PCDHA4: variants seen among roughly 807,000 people sequenced by gnomAD.
The protein encoded by PCDHA4 is protocadherin alpha-4.
A neutral mutation model predicts 61.4 loss-of-function variants in PCDHA4; 49 were observed. That is an observed-to-expected ratio of 0.80 (90% confidence interval 0.63 to 1.01). The LOEUF is 1.01. Ranked by LOEUF, PCDHA4 falls within the 50% of genes least tolerant of loss-of-function variation. The pLI is 0.00. For synonymous variants in PCDHA4, 590 were observed against 550.3 expected (o/e 1.07, Z -1.01); for missense variants, 1,254 against 1,235.8 (o/e 1.01, Z -0.22).
intron 1 of PCDHA4, among the ~76,000 whole-genome samples, chr5:140,878,611 T>A (rs1167613009): frequency 2.0e-5 from 3 of 152,236 alleles, no homozygotes; most frequent in Non-Finnish European, 4.4e-5. Context: ...TCTTCTAATG[T>A]GCATTTTACA....
rs781808272 is a variant in PCDHA4, at chr5:140,856,411, A to G, written c.2385+46839A>G. Reference sequence around the variant, plus strand: ...TGCAGGTTTTCCATGTGGACGTGGAAGTGAAGGACATTAACGACAACCCGC... The same window carrying G: ...TGCAGGTTTTCCATGTGGACGTGGAGGTGAAGGACATTAACGACAACCCGC... On this transcript the variant is annotated intron_variant, in intron 1 of 3. Transcript: ENST00000530339. 31 of 1,598,328 alleles carry G rather than the reference A, an allele frequency of 1.9e-5. 3 individuals are homozygous for G. Among genetic ancestry groups the G allele is most frequent in the African/African-American group, 5.4e-5 (4 of 74,256 alleles).
At chr5:140,828,910 G>T (rs2150160654) in intron 1 of PCDHA4, 1 of 1,613,410 alleles carries the variant, frequency 6.2e-7, no homozygotes, top group African/African-American at 1.3e-5. Context: ...ATGAAGGAGC[G>T]AATGGGGCAA....
rs782184518 is a variant in PCDHA4 at position 140,875,731 on chromosome 5, A to G, written c.2385+66159A>G. On this transcript the variant is annotated intron_variant, in intron 1 of 3. Transcript: ENST00000530339. ...TCTGCAGAATGGCATTTTGTTTGTG[A>G]ATTCTCGGATCGACCGCGAGAAGCT... The G allele has an allele frequency of 1.2e-6, 2 of 1,614,032 alleles. No individual in the cohort carries two copies. Among genetic ancestry groups the G allele is most frequent in the African/African-American group, 2.7e-5 (2 of 74,906 alleles).
chr5:140,829,852 A>G, intron 1 of PCDHA4: 2 of 1,613,942 alleles, frequency 1.2e-6, no homozygotes, highest in Admixed American at 1.7e-5. Context: ...CACTGGGTGC[A>G]GGCCAAGTGG....
intron 1 of PCDHA4, chr5:140,835,375 C>A (rs2150234654): frequency 1.9e-6 from 3 of 1,613,974 alleles, no homozygotes; most frequent in South Asian, 1.1e-5. Context: ...CCACCCCTGG[C>A]TGGTCATTGT....
intron 1 of PCDHA4, among the ~76,000 whole-genome samples, chr5:140,942,139 A>G (rs1211983428): frequency 6.6e-6 from 1 of 152,248 alleles, no homozygotes; most frequent in African/African-American, 2.4e-5. Flanking sequence ...TTGTGGCTTT[A>G]CTTGACATAA....
chr5:140,869,694 GA>G, intron 1 of PCDHA4: 1 of 1,613,394 alleles, frequency 6.2e-7, no homozygotes, highest in Non-Finnish European at 8.5e-7. Context: ...TTATTTTAAA[GA>G]AGTCTCTGGA....
At chr5:140,886,916 G>A (rs1170747823) in intron 1 of PCDHA4, among the ~76,000 whole-genome samples, 1 of 151,436 alleles carries the variant, frequency 6.6e-6, no homozygotes, top group Non-Finnish European at 1.5e-5. Flanking sequence ...CTTATTGAGT[G>A]TTCTCTATGT....
At chr5:140,850,283 A>G (rs143335350) in intron 1 of PCDHA4, 3 of 1,595,592 alleles carry the variant, frequency 1.9e-6, no homozygotes, top group Non-Finnish European at 2.6e-6. Context: ...AGGTGCGCGC[A>G]GTGGACGCCG....
intron 1 of PCDHA4, chr5:140,812,974 T>C (rs1202280852): frequency 6.6e-6 from 1 of 152,262 alleles, no homozygotes; most frequent in Admixed American, 6.5e-5. Flanking sequence ...TATTGATTTC[T>C]AGTTTTATTC....
At chr5:140,835,916 C>T (rs1359534891) in intron 1 of PCDHA4, 4 of 1,612,180 alleles carry the variant, frequency 2.5e-6, no homozygotes, top group Non-Finnish European at 2.5e-6. Context: ...TGTCAGTGCA[C>T]GCGGAGAGCG....
At chr5:140,886,403 AT>A (rs1196342524) in intron 1 of PCDHA4, among the ~76,000 whole-genome samples, 19 of 152,184 alleles carry the variant, frequency 1.2e-4, no homozygotes, top group African/African-American at 4.6e-4. Context: ...CATCACAAAT[AT>A]GTTTTCCTCC....
At chr5:140,967,910 A>G (rs2096197842) in intron 1 of PCDHA4, 1 of 1,613,996 alleles carries the variant, frequency 6.2e-7, no homozygotes, top group Non-Finnish European at 8.5e-7. Flanking sequence ...TACACCCAAC[A>G]CCATTGTGGC....
chr5:140,915,222 C>T (rs2153533644), intron 1 of PCDHA4, among the ~76,000 whole-genome samples: 1 of 152,292 alleles, frequency 6.6e-6, no homozygotes, highest in South Asian at 2.1e-4. Context: ...GCTGGGATTA[C>T]AGGCATGAGC....
At chr5:140,928,932 G>T in intron 1 of PCDHA4, 5 of 1,614,108 alleles carry the variant, frequency 3.1e-6, no homozygotes, top group Non-Finnish European at 2.5e-6. Flanking sequence ...TTTCTGCCCA[G>T]AACTTGTATT....
chr5:140,819,247 T>A (rs1766517839), intron 1 of PCDHA4, among the ~76,000 whole-genome samples: 1 of 152,184 alleles, frequency 6.6e-6, no homozygotes, highest in African/African-American at 2.4e-5. Flanking sequence ...CTCTGCAATC[T>A]GGTATATCTA....
chr5:140,917,328 GGA>G lies in PCDHA4; in HGVS notation c.2386-61619_2386-61618del, dbSNP rs371938358. On this transcript the variant is annotated intron_variant, in intron 1 of 3. Transcript: ENST00000530339. ...TACAATTTGGTGTTCATGTGGCGGGGGAGGGGGGGGATGGTGTAGGCTTCTGT... is the reference window on the plus strand; with the variant it reads ...TACAATTTGGTGTTCATGTGGCGGGGGGGGGGGGATGGTGTAGGCTTCTGT... 4.7e-4 allele frequency among the ~76,000 whole-genome samples: 70 copies of G among 148,990 alleles called. 3 individuals are homozygous for G. Among genetic ancestry groups the G allele is most frequent in the African/African-American group, 1.3e-3 (53 of 40,184 alleles).
intron 3 of PCDHA4, among the ~76,000 whole-genome samples, chr5:140,989,936 C>T (rs564429410): frequency 1.3e-5 from 2 of 152,104 alleles, no homozygotes; most frequent in Non-Finnish European, 2.9e-5. Flanking sequence ...AGATGACATT[C>T]CACGTTTTTC....
intron 1 of PCDHA4, chr5:140,830,094 C>T (rs1770810347): frequency 2.5e-6 from 4 of 1,613,470 alleles, no homozygotes; most frequent in Middle Eastern, 1.7e-4. Flanking sequence ...GTTCTGGTGT[C>T]GCTGGTGGAG....
Sources: allele counts gnomAD v4.1 joint callset (sites outside exome capture counted in the v4.1 genomes callset), GRCh38; gene constraint gnomAD v4.1.1; transcripts MANE v1.5; gene names NCBI Gene and HGNC (gene_info 2026-07-23, HGNC 2026-07-21).